ADAM20: variants seen among roughly 807,000 people sequenced by gnomAD.
ADAM20 encodes the protein disintegrin and metalloproteinase domain-containing protein 20.
For missense variants in ADAM20, 871 were observed against 883.2 expected (o/e 0.99, Z 0.18); for synonymous variants, 305 against 310.2 (o/e 0.98, Z 0.18).
chr14:70,524,836 C>T lies in ADAM20; in HGVS notation c.-79G>A. Reference sequence around the variant, plus strand: ...GAGGCACTGCTGGTCTGGCTCCTCCCTCTGAGCTGTTCAGGGTGCATGGCT... The same window carrying T: ...GAGGCACTGCTGGTCTGGCTCCTCCTTCTGAGCTGTTCAGGGTGCATGGCT... On this transcript the variant is annotated 5_prime_UTR_variant, in exon 2 of 2. Coordinates refer to ENST00000256389, the MANE Select transcript of ADAM20 (RefSeq NM_003814.5). The T allele has an allele frequency of 6.2e-7, 1 of 1,613,272 alleles. No individual in the cohort carries two copies. Among genetic ancestry groups the T allele is most frequent in the Middle Eastern group, 1.8e-4 (1 of 5,406 alleles).
chr14:70,539,171 A>AC (rs113121375), upstream of ADAM20, among the ~76,000 whole-genome samples: 6,181 of 146,130 alleles, frequency 0.042, 227 homozygotes, highest in African/African-American at 0.099. Context: ...CTGTAGGGAG[A>AC]CCCCCTGAAA....
At chr14:70,541,081 A>G in the ADAM20 span, among the ~76,000 whole-genome samples, 2 of 152,060 alleles carry the variant, frequency 1.3e-5, no homozygotes, top group Admixed American at 1.3e-4. Context: ...GTGCGCCACC[A>G]CGCCCAGGCA....
intron 1 of ADAM20, among the ~76,000 whole-genome samples, chr14:70,533,064 CA>C (rs1883747722): frequency 6.6e-6 from 1 of 152,098 alleles, no homozygotes; most frequent in African/African-American, 2.4e-5. Context: ...CATCTCATGC[CA>C]GTTAGAATGG....
chr14:70,545,641 G>A, the ADAM20 span, among the ~76,000 whole-genome samples: 1 of 152,164 alleles, frequency 6.6e-6, no homozygotes, highest in East Asian at 1.9e-4. Flanking sequence ...TAATGATAAA[G>A]GGGTCAATTC....
chr14:70,533,901 G>A (rs767249767), intron 1 of ADAM20, among the ~76,000 whole-genome samples: 1 of 151,450 alleles, frequency 6.6e-6, no homozygotes, highest in Admixed American at 6.6e-5. Flanking sequence ...TGGCCAAAAT[G>A]GTGAAACCCG....
the ADAM20 span, among the ~76,000 whole-genome samples, chr14:70,542,945 A>G: frequency 6.6e-6 from 1 of 152,298 alleles, no homozygotes; most frequent in East Asian, 1.9e-4. Context: ...TCTCAAAAAA[A>G]AAAAAAGAGG....
Position 70,523,410 on chromosome 14 carries a change from CA to C in ADAM20, c.1347del (p.Phe449LeufsTer51), listed in dbSNP as rs1566654982. On this transcript the variant is annotated frameshift_variant, in exon 2 of 2. Coordinates refer to ENST00000256389, the MANE Select transcript of ADAM20 (RefSeq NM_003814.5). LOFTEE classifies it low-confidence loss of function (END_TRUNC). Reference sequence around the variant, plus strand: ...AATTTGCAGTCTTTGCAACATATTCCAAAAGCACAAGCAGCCCCAGGATGTA... The same window carrying C: ...AATTTGCAGTCTTTGCAACATATTCCAAAGCACAAGCAGCCCCAGGATGTA... ...CTLHPGAACA[F>X]GICCKDCKFL... The C allele has an allele frequency of 6.2e-7, 1 of 1,613,948 alleles. No individual in the cohort carries two copies. The highest frequency in any genetic ancestry group is 1.7e-5 in the Admixed American group (1 of 59,984).
In ADAM20 at chr14:70,523,754, A is replaced by G. The variant is rs755255577; in HGVS notation, c.1004T>C (p.Val335Ala). ...CTCGTGGCCCAAAGTAATTGCAAAAACGACCAACCTGTTGTCTTCAAAAAC... is the reference window on the plus strand; with the variant it reads ...CTCGTGGCCCAAAGTAATTGCAAAAGCGACCAACCTGTTGTCTTCAAAAAC... ...VDVFEDNRLV[V>A]FAITLGHELG... Residue 335 changes from valine (V) to alanine (A), a missense_variant, in exon 2 of 2, where the codon GTT (valine) becomes GCT (alanine). Val to Ala is a moderately conservative substitution (Grantham distance 64, BLOSUM62 0). Transcript: ENST00000256389. 9 of 1,614,030 alleles carry G rather than the reference A, an allele frequency of 5.6e-6. No individual in the cohort carries two copies. The South Asian group carries it at 9.9e-5, about 18-fold the overall frequency.
the ADAM20 span, among the ~76,000 whole-genome samples, chr14:70,564,214 TG>T: frequency 1.2e-4 from 19 of 152,342 alleles, no homozygotes; most frequent in South Asian, 3.9e-3. Context: ...TGAGCAAGAT[TG>T]GTAAAAGTCA....
the ADAM20 span, among the ~76,000 whole-genome samples, chr14:70,540,917 T>A: frequency 4.5e-4 from 69 of 152,336 alleles, no homozygotes; most frequent in African/African-American, 1.5e-3. Flanking sequence ...CTCAACCTCC[T>A]GAGTAGCTGG....
rs1883490639 is a variant in ADAM20 at position 70,523,104 on chromosome 14, C to T, written c.1654G>A (p.Val552Ile). The T allele has an allele frequency of 6.2e-7, 1 of 1,613,892 alleles. No homozygotes were observed. The highest frequency in any genetic ancestry group is 8.5e-7 in the Non-Finnish European group (1 of 1,179,966). The change falls in exon 2 of 2, where the codon GTA becomes ATA. Residue 552 changes from valine (V) to isoleucine (I), a missense_variant. Transcript: ENST00000256389. ...GHCGIVGTTYVKCWTPDIMCG... is the reference protein window; with the variant it reads ...GHCGIVGTTYIKCWTPDIMCG... ...ATGATATCAGGGGTCCAACATTTTA[C>T]ATATGTTGTGCCTACAATACCACAG... is the stretch of plus-strand genomic sequence containing the variant.
chr14:70,534,692 T>C (rs149129572), intron 1 of ADAM20, 105 bp downstream of exon 1: 5 of 152,210 alleles, frequency 3.3e-5, no homozygotes, highest in African/African-American at 9.6e-5. Context: ...TCCTGTTCAA[T>C]GGATATATAA....
At chr14:70,565,672 C>T in the ADAM20 span, among the ~76,000 whole-genome samples, 1 of 151,556 alleles carries the variant, frequency 6.6e-6, no homozygotes, top group Non-Finnish European at 1.5e-5. Context: ...TATAGCAAAA[C>T]AAAAAACAAT....
At position 70,524,137 on chromosome 14, in the gene ADAM20, C is replaced by G. The variant is rs377721001; in HGVS notation, c.621G>C (p.Arg207=). ...CCACGACCACTACCAGCTCAACAAA[C>G]CGCTGATGGGTCCACCAGCCCACAA... ...SSFVGWWTHQ[R]FVELVVVVDN... is the part of the protein sequence containing the mutation. Residue 207 remains arginine, a synonymous_variant, in exon 2 of 2, where the codon CGG becomes CGC. Coordinates refer to ENST00000256389, the MANE Select transcript of ADAM20 (RefSeq NM_003814.5). The G allele has an allele frequency of 6.2e-7, 1 of 1,613,706 alleles. No homozygotes were observed. The highest frequency in any genetic ancestry group is 8.5e-7 in the Non-Finnish European group (1 of 1,179,912).
Position 70,524,896 on chromosome 14 carries a change from G to C in ADAM20, c.-139C>G. ...GGATCTGGGGATCTGTGTCCTGGTG[G>C]AGCTGGACCATCAGAGCTGCAGTGC... is the stretch of plus-strand genomic sequence containing the variant. On this transcript the variant is annotated 5_prime_UTR_variant, in exon 2 of 2. Coordinates refer to ENST00000256389, the MANE Select transcript of ADAM20 (RefSeq NM_003814.5). The C allele has an allele frequency of 6.2e-7, 1 of 1,608,472 alleles. No individual in the cohort carries two copies. The highest frequency in any genetic ancestry group is 8.5e-7 in the Non-Finnish European group (1 of 1,177,500).
chr14:70,574,647 A>AAAAG, the ADAM20 span, among the ~76,000 whole-genome samples: 3 of 152,116 alleles, frequency 2.0e-5, no homozygotes, highest in East Asian at 1.9e-4. Flanking sequence ...CTCAAAAAAA[A>AAAAG]AAAGAAAGAA....
At chr14:70,530,328 C>T (rs1049721700) in intron 1 of ADAM20, among the ~76,000 whole-genome samples, 1 of 152,164 alleles carries the variant, frequency 6.6e-6, no homozygotes. Flanking sequence ...ATGGAGCTGT[C>T]ATCTCCTATG....
the ADAM20 span, among the ~76,000 whole-genome samples, chr14:70,555,445 T>C: frequency 2.0e-5 from 3 of 152,222 alleles, no homozygotes; most frequent in African/African-American, 7.2e-5. Flanking sequence ...TCACACTGTT[T>C]AGAGAATTTT....
Position 70,524,902 on chromosome 14 carries a change from G to A in ADAM20, c.-145C>T. 6.2e-7 allele frequency: 1 copy of A among 1,607,214 alleles called. No homozygotes were observed. Among genetic ancestry groups the A allele is most frequent in the Non-Finnish European group, 8.5e-7 (1 of 1,176,844 alleles). ...GGGGATCTGTGTCCTGGTGGAGCTG[G>A]ACCATCAGAGCTGCAGTGCTGAAAA... On this transcript the variant is annotated 5_prime_UTR_variant, in exon 2 of 2. Transcript: ENST00000256389.
Sources: allele counts gnomAD v4.1 joint callset (sites outside exome capture counted in the v4.1 genomes callset), GRCh38; gene constraint gnomAD v4.1.1; transcripts MANE v1.5; gene names NCBI Gene and HGNC (gene_info 2026-07-23, HGNC 2026-07-21).